The following SVIL variants were observed in gnomAD, a reference collection of about 807,000 sequenced individuals.
SVIL encodes archvillin.
SVIL carries 101 observed loss-of-function variants against 240.4 expected under a neutral mutation model. The ratio of observed to expected loss-of-function variants is 0.42; its 90% CI spans 0.36 to 0.50. The LOEUF (loss-of-function observed/expected upper bound fraction) is 0.50. SVIL is among the 20% of genes least tolerant of loss of function. The pLI, the probability that SVIL is intolerant of heterozygous loss-of-function variation, is 0.01. For missense variants in SVIL, 2,512 were observed against 2,818.7 expected (o/e 0.89, Z 2.46); for synonymous variants, 999 against 1,100.0 (o/e 0.91, Z 1.82).
At chr10:29,594,559 CT>C (rs34870351) in intron 1 of SVIL, among the ~76,000 whole-genome samples, 27,542 of 140,398 alleles carry the variant, frequency 0.2, 2,538 homozygotes, top group Middle Eastern at 0.27. Context: ...AATTTTTTTT[CT>C]TTTTTTTTTT....
intron 6 of SVIL, among the ~76,000 whole-genome samples, chr10:29,547,339 TA>T (rs1391150440): frequency 6.6e-6 from 1 of 152,206 alleles, no homozygotes; most frequent in Non-Finnish European, 1.5e-5. Context: ...AATAAATATA[TA>T]AACTACTTTG....
intron 29 of SVIL, 24 bp downstream of exon 29, chr10:29,480,513 A>G: frequency 6.2e-7 from 1 of 1,606,864 alleles, no homozygotes; most frequent in East Asian, 2.2e-5. Context: ...TTTCAGCTGG[A>G]AAAAACCACA....
intron 1 of SVIL, among the ~76,000 whole-genome samples, chr10:29,587,169 C>T (rs1461511555): frequency 7.9e-5 from 12 of 152,256 alleles, no homozygotes; most frequent in Non-Finnish European, 8.8e-5. Flanking sequence ...GTCACCTCCC[C>T]CTGCAAACCT....
chr10:29,507,288 G>A (rs937765870), intron 17 of SVIL, among the ~76,000 whole-genome samples: 21 of 152,200 alleles, frequency 1.4e-4, no homozygotes, highest in African/African-American at 3.4e-4. Context: ...GAGCTGGAGC[G>A]AAGAACATGG....
chr10:29,651,762 A>G (rs149655216), intron 3 of SVIL, among the ~76,000 whole-genome samples: 26 of 152,236 alleles, frequency 1.7e-4, no homozygotes, highest in African/African-American at 6.0e-4. Flanking sequence ...TTGTTTGGAT[A>G]TTTAATAGAC....
intron 1 of SVIL, among the ~76,000 whole-genome samples, chr10:29,600,803 T>G (rs369191531): frequency 5.3e-5 from 8 of 152,132 alleles, no homozygotes; most frequent in South Asian, 2.1e-4. Context: ...GAAAGACTGT[T>G]CTAACTAAAA....
intron 2 of SVIL, among the ~76,000 whole-genome samples, chr10:29,674,057 A>G (rs145189600): frequency 2.2e-4 from 34 of 152,320 alleles, no homozygotes; most frequent in Non-Finnish European, 4.4e-4. Flanking sequence ...GGGGCCAAGC[A>G]CAGTGGATCA....
intron 3 of SVIL, among the ~76,000 whole-genome samples, chr10:29,642,450 AGAAAGAAAGAAAGAAAGACC>A (rs200223827): frequency 0.011 from 1,362 of 124,586 alleles, 22 homozygotes; most frequent in East Asian, 0.041. Flanking sequence ...AAAGAAAGAA[AGAAAGAAAGAAAGAAAGACC>A]GACCCCTAAT....
Position 29,527,574 on chromosome 10 carries a change from G to A in SVIL, c.2247-518C>T, listed in dbSNP as rs544647795. On this transcript the variant is annotated intron_variant, in intron 12 of 37. Coordinates refer to ENST00000355867, the MANE Select transcript of SVIL (RefSeq NM_021738.3). ...CCTGAGTAGCTGGGATTACAGGCGC[G>A]CACCACCACGCCCAGTTAATTTTTG... 1.1e-4 allele frequency among the ~76,000 whole-genome samples: 17 copies of A among 151,610 alleles called. No individual in the cohort carries two copies. In the South Asian group the frequency reaches 1.9e-3, roughly 17 times the overall value.
chr10:29,550,385 T>C (rs957006740), intron 6 of SVIL, among the ~76,000 whole-genome samples: 6 of 149,994 alleles, frequency 4.0e-5, no homozygotes, highest in Non-Finnish European at 5.9e-5. Flanking sequence ...CAGGCTGCAG[T>C]GAGCTATGAT....
intron 6 of SVIL, among the ~76,000 whole-genome samples, chr10:29,544,184 G>A (rs562849961): frequency 1.3e-5 from 2 of 152,296 alleles, no homozygotes; most frequent in South Asian, 4.1e-4. Context: ...CTCCATGTGG[G>A]TGTCCAGCTC....
intron 1 of SVIL, among the ~76,000 whole-genome samples, chr10:29,731,702 G>A (rs1005645720): frequency 6.6e-6 from 1 of 151,978 alleles, no homozygotes; most frequent in African/African-American, 2.4e-5. Context: ...CTTTTAAACC[G>A]CCTCCCCTGA....
At chr10:29,498,326 G>A (rs531058485) in intron 18 of SVIL, among the ~76,000 whole-genome samples, 1 of 152,116 alleles carries the variant, frequency 6.6e-6, no homozygotes, top group South Asian at 2.1e-4. Context: ...GCTGAGGCGA[G>A]AGAATTGCTT....
At chr10:29,531,389 A>G (rs1001020856) in intron 9 of SVIL, 101 bp from the exon 10 acceptor site, 2 of 1,214,788 alleles carry the variant, frequency 1.6e-6, no homozygotes, top group Admixed American at 4.0e-5. Context: ...ATGCAATTAA[A>G]TTCTTTTAAG....
Position 29,554,739 on chromosome 10 carries a change from C to T in SVIL, c.160+44G>A. 3.4e-6 allele frequency: 5 copies of T among 1,485,338 alleles called. No homozygotes were observed. The South Asian group carries it at 7.1e-5, about 21-fold the overall frequency. The allele number at this position is 1,485,338 out of a possible 1,614,324, so 92.0% of individuals were successfully genotyped here. On this transcript the variant is annotated intron_variant, in intron 5 of 37. Coordinates refer to ENST00000355867, the MANE Select transcript of SVIL (RefSeq NM_021738.3). ...GGTGGAAAGGGCAACTCGTAACCAG[C>T]CAGGCAGCCTGCTGGAAAATGGGCC...
chr10:29,672,004 C>T (rs1959817107), intron 2 of SVIL, among the ~76,000 whole-genome samples: 1 of 152,162 alleles, frequency 6.6e-6, no homozygotes, highest in South Asian at 2.1e-4. Flanking sequence ...CTGTCACTGA[C>T]CAGAAATCCC....
intron 27 of SVIL, chr10:29,483,228 T>C (rs1399808902): frequency 6.6e-6 from 1 of 152,252 alleles, no homozygotes; most frequent in Non-Finnish European, 1.5e-5. Flanking sequence ...CTGGCATTTA[T>C]GTTTTGAAGC....
chr10:29,539,266 T>G (rs1328340584), intron 6 of SVIL, among the ~76,000 whole-genome samples: 1 of 152,250 alleles, frequency 6.6e-6, no homozygotes, highest in Non-Finnish European at 1.5e-5. Flanking sequence ...TTCTTATCTT[T>G]TTCCTTCTTC....
intron 17 of SVIL, among the ~76,000 whole-genome samples, chr10:29,499,689 T>C (rs557526139): frequency 6.6e-6 from 1 of 152,344 alleles, no homozygotes; most frequent in African/African-American, 2.4e-5. Context: ...TCTAGAAAAC[T>C]TTATCCATGT....
Sources: gnomAD v4.1 joint callset for allele counts (sites outside exome capture counted in the v4.1 genomes callset) on GRCh38, gnomAD v4.1.1 for gene constraint, MANE v1.5 for transcripts, NCBI Gene and HGNC (gene_info 2026-07-23, HGNC 2026-07-21) for gene names.